SLC8A1: variants seen among roughly 807,000 people sequenced by gnomAD.
The protein encoded by SLC8A1 is solute carrier family 8 member A1.
A neutral mutation model predicts 68.3 loss-of-function variants in SLC8A1; 18 were observed. The ratio of observed to expected loss-of-function variants is 0.26; its 90% confidence interval spans 0.18 to 0.39. The LOEUF is 0.39. Ranked by LOEUF, SLC8A1 falls within the 10% of genes least tolerant of loss-of-function variation. SLC8A1 has a pLI of 1.00. For missense variants in SLC8A1, 985 were observed against 1,156.7 expected, an observed-to-expected ratio of 0.85 and a Z score of 2.15; for synonymous variants, 475 against 415.5, an observed-to-expected ratio of 1.14 and a Z score of -1.74.
intron 2 of SLC8A1, among the ~76,000 whole-genome samples, chr2:40,237,258 T>C (rs1194728444): frequency 6.6e-6 from 1 of 152,202 alleles, no homozygotes; most frequent in African/African-American, 2.4e-5. Context: ...GACGTAGATT[T>C]GGTCTTTTCA....
intron 2 of SLC8A1, among the ~76,000 whole-genome samples, chr2:40,298,708 G>A (rs1241659490): frequency 1.3e-5 from 2 of 152,178 alleles, no homozygotes; most frequent in African/African-American, 2.4e-5. Flanking sequence ...CATACGTGCT[G>A]TAAGGATGAC....
chr2:40,388,467 C>A (rs1325854933), intron 2 of SLC8A1, among the ~76,000 whole-genome samples: 1 of 152,110 alleles, frequency 6.6e-6, no homozygotes, highest in East Asian at 1.9e-4. Context: ...TTGATACTAA[C>A]TTCAAGCTTC....
intron 1 of SLC8A1, among the ~76,000 whole-genome samples, chr2:40,496,715 G>A (rs1417060466): frequency 1.3e-5 from 2 of 151,892 alleles, no homozygotes; most frequent in African/African-American, 4.8e-5. Context: ...TGCATATTTT[G>A]CAGTTACTCA....
chr2:40,203,248 G>C (rs1425471213), intron 2 of SLC8A1, among the ~76,000 whole-genome samples: 2 of 151,950 alleles, frequency 1.3e-5, no homozygotes, highest in Non-Finnish European at 2.9e-5. Flanking sequence ...TAATAATCCT[G>C]GAGACACAGC....
intron 7 of SLC8A1, among the ~76,000 whole-genome samples, chr2:40,123,750 C>G (rs575786323): frequency 6.6e-6 from 1 of 152,222 alleles, no homozygotes; most frequent in African/African-American, 2.4e-5. Context: ...AGTTAAGCAA[C>G]ATTTGGCTAA....
intron 1 of SLC8A1, among the ~76,000 whole-genome samples, chr2:40,438,368 A>C (rs1300830416): frequency 1.3e-5 from 2 of 152,172 alleles, no homozygotes; most frequent in African/African-American, 2.4e-5. Context: ...GTTGACATTT[A>C]ATCTTAAAAA....
chr2:40,193,282 C>A (rs1381991533), intron 2 of SLC8A1, among the ~76,000 whole-genome samples: 2 of 152,094 alleles, frequency 1.3e-5, no homozygotes. Context: ...TAGATTCCTG[C>A]AATATGTTAT....
chr2:40,252,778 G>C (rs1454148647), intron 2 of SLC8A1, among the ~76,000 whole-genome samples: 2 of 142,294 alleles, frequency 1.4e-5, no homozygotes, highest in Non-Finnish European at 3.0e-5. Context: ...GTGAATGTTA[G>C]CACATATATA....
rs75781687 is a variant in SLC8A1, at chr2:40,370,491, C to G, written c.1808+57982G>C. 8.7e-3 allele frequency among the ~76,000 whole-genome samples: 1,321 copies of G among 152,118 alleles called. 7 individuals carry two copies. The highest frequency in any genetic ancestry group is 0.013 in the Non-Finnish European group (904 of 67,982). On this transcript the variant is annotated intron_variant, in intron 2 of 7. Transcript: ENST00000406785. Reference sequence around the variant, plus strand: ...TTGTTTTAAAGTGACTTTGCTTTTTCTCATGTAATTGACAGGCTAAACTAT... The same window carrying G: ...TTGTTTTAAAGTGACTTTGCTTTTTGTCATGTAATTGACAGGCTAAACTAT...
intron 2 of SLC8A1, among the ~76,000 whole-genome samples, chr2:40,355,992 C>G (rs1321092674): frequency 6.6e-6 from 1 of 152,134 alleles, no homozygotes; most frequent in Non-Finnish European, 1.5e-5. Context: ...AAGCACCTAC[C>G]GAGAGCTAGA....
At chr2:40,304,046 G>C (rs1265883970) in intron 2 of SLC8A1, among the ~76,000 whole-genome samples, 1 of 152,148 alleles carries the variant, frequency 6.6e-6, no homozygotes, top group African/African-American at 2.4e-5. Flanking sequence ...CTTATGAAAG[G>C]GCTCCAGGAG....
chr2:40,434,888 A>G (rs1699090869), intron 1 of SLC8A1, among the ~76,000 whole-genome samples: 1 of 152,148 alleles, frequency 6.6e-6, no homozygotes, highest in African/African-American at 2.4e-5. Context: ...AGCTACAAGG[A>G]ATAGAAACCC....
exon 2 of SLC8A1, chr2:40,429,075 T>C (rs1406193043): frequency 6.2e-7 from 1 of 1,612,114 alleles, no homozygotes; most frequent in Non-Finnish European, 8.5e-7. Flanking sequence ...CAGGGTCATT[T>C]TCAGTCACTT....
chr2:40,417,303 T>A (rs1694168555), intron 2 of SLC8A1, among the ~76,000 whole-genome samples: 1 of 152,110 alleles, frequency 6.6e-6, no homozygotes, highest in African/African-American at 2.4e-5. Context: ...ATTTTTTTTC[T>A]GATCCTCTCC....
intron 2 of SLC8A1, among the ~76,000 whole-genome samples, chr2:40,315,286 G>A (rs1356348361): frequency 3.3e-5 from 5 of 151,650 alleles, no homozygotes; most frequent in African/African-American, 1.2e-4. Flanking sequence ...CAGTATGGTG[G>A]TTATCAATAC....
chr2:40,181,868 A>G (rs759850580), intron 2 of SLC8A1, among the ~76,000 whole-genome samples: 3 of 152,248 alleles, frequency 2.0e-5, no homozygotes, highest in Non-Finnish European at 4.4e-5. Context: ...TAATGCATGA[A>G]AGATACTGCT....
At chr2:40,189,297 T>G (rs923558951) in intron 2 of SLC8A1, among the ~76,000 whole-genome samples, 1 of 152,166 alleles carries the variant, frequency 6.6e-6, no homozygotes, top group Non-Finnish European at 1.5e-5. Flanking sequence ...ATAATGTATA[T>G]TCTTTTAAAG....
At chr2:40,344,744 T>G (rs1668732045) in intron 2 of SLC8A1, among the ~76,000 whole-genome samples, 1 of 152,130 alleles carries the variant, frequency 6.6e-6, no homozygotes, top group Admixed American at 6.5e-5. Context: ...AGGACAGCCC[T>G]CCTAGGAAAG....
chr2:40,239,663 G>C (rs991203922), intron 2 of SLC8A1, among the ~76,000 whole-genome samples: 6 of 152,070 alleles, frequency 3.9e-5, no homozygotes, highest in Non-Finnish European at 7.4e-5. Context: ...CTGGGCAACA[G>C]AGCAAGACTC....
Sources: gnomAD v4.1 joint callset for allele counts (sites outside exome capture counted in the v4.1 genomes callset) on GRCh38, gnomAD v4.1.1 for gene constraint, MANE v1.5 for transcripts, NCBI Gene and HGNC (gene_info 2026-07-23, HGNC 2026-07-21) for gene names.